The following ASNS variants were observed in gnomAD, a reference collection of about 807,000 sequenced individuals.
ASNS encodes the protein asparagine synthetase (glutamine-hydrolyzing).
In ASNS, 37 loss-of-function variants were observed where a neutral mutation model predicts 62.6. The ratio of observed to expected loss-of-function variants is 0.59; its 90% CI spans 0.45 to 0.78. The LOEUF (loss-of-function observed/expected upper bound fraction) is 0.78. ASNS is among the 30% of genes least tolerant of loss of function. The pLI is 0.00. For synonymous variants in ASNS, 207 were observed against 237.9 expected, an observed-to-expected ratio of 0.87 and a Z score of 1.19; for missense variants, 520 against 682.4, an observed-to-expected ratio of 0.76 and a Z score of 2.65.
At chr7:97,862,542 A>G (rs1791771329) in intron 4 of ASNS, among the ~76,000 whole-genome samples, 1 of 152,222 alleles carries the variant, frequency 6.6e-6, no homozygotes. Context: ...AATGGTGGGT[A>G]CATGGCATTA....
chr7:97,882,702 A>G, the ASNS span, among the ~76,000 whole-genome samples: 1 of 152,188 alleles, frequency 6.6e-6, no homozygotes, highest in Non-Finnish European at 1.5e-5. Flanking sequence ...TCCGCCAAGC[A>G]GGGGGAGTGA....
At chr7:97,880,080 T>C in the ASNS span, among the ~76,000 whole-genome samples, 1 of 151,938 alleles carries the variant, frequency 6.6e-6, no homozygotes, top group African/African-American at 2.4e-5. Flanking sequence ...TGCCAGGACA[T>C]CGTGAGCTTT....
At position 97,865,308 on chromosome 7, in the gene ASNS, G is replaced by A. The variant is rs114369971; in HGVS notation, c.250-812C>T. On this transcript the variant is annotated intron_variant, in intron 3 of 12. Transcript: ENST00000394308. ...TTTCAGACTCCACCTACAATGCTGC[G>A]TTTTGATTAAAAGGTTACTATACAC... 1.5e-3 allele frequency among the ~76,000 whole-genome samples: 226 copies of A among 152,258 alleles called. 2 individuals carry two copies. Among genetic ancestry groups the A allele is most frequent in the African/African-American group, 5.2e-3 (215 of 41,546 alleles).
the ASNS span, among the ~76,000 whole-genome samples, chr7:97,891,005 G>GA: frequency 6.6e-6 from 1 of 152,110 alleles, no homozygotes; most frequent in African/African-American, 2.4e-5. Context: ...AATAATGAGA[G>GA]AAAAAAGGAA....
the ASNS span, among the ~76,000 whole-genome samples, chr7:97,896,749 T>C: frequency 2.0e-3 from 163 of 82,542 alleles, 3 homozygotes; most frequent in Middle Eastern, 6.2e-3. Flanking sequence ...CACATATATA[T>C]ATATATATAT....
At chr7:97,872,622 G>A (rs1276662718), upstream of ASNS, 4 of 152,400 alleles carry the variant, frequency 2.6e-5, no homozygotes, top group East Asian at 7.7e-4. Context: ...TTTAAGGATA[G>A]CCTCAGAGCT....
At chr7:97,875,502 C>T (rs1277233423), upstream of ASNS, among the ~76,000 whole-genome samples, 1 of 152,206 alleles carries the variant, frequency 6.6e-6, no homozygotes, top group African/African-American at 2.4e-5. Flanking sequence ...GTGTGGTGGT[C>T]TGTTCATTGT....
At chr7:97,896,711 T>TACACACACAC in the ASNS span, among the ~76,000 whole-genome samples, 4 of 44,276 alleles carry the variant, frequency 9.0e-5, no homozygotes, top group African/African-American at 2.4e-4. Flanking sequence ...TGTATATATA[T>TACACACACAC]ACACACACAC....
chr7:97,925,408 G>T, the ASNS span, among the ~76,000 whole-genome samples: 1 of 152,062 alleles, frequency 6.6e-6, no homozygotes, highest in Non-Finnish European at 1.5e-5. Context: ...TTTTGCTCAC[G>T]TACCACTCCC....
intron 6 of ASNS, among the ~76,000 whole-genome samples, 179 bp downstream of exon 6, chr7:97,858,675 C>G (rs1438470757): frequency 6.6e-6 from 1 of 152,182 alleles, no homozygotes; most frequent in East Asian, 1.9e-4. Context: ...TAGTGTAACT[C>G]AAGTTGGAGT....
the ASNS span, among the ~76,000 whole-genome samples, chr7:97,896,707 TATATACACAC>T: frequency 7.2e-5 from 2 of 27,692 alleles, 1 homozygote; most frequent in African/African-American, 2.1e-4. Flanking sequence ...TATGTGTATA[TATATACACAC>T]ACACACACAC....
the ASNS span, among the ~76,000 whole-genome samples, chr7:97,892,077 A>T: frequency 6.6e-6 from 1 of 151,976 alleles, no homozygotes; most frequent in Admixed American, 6.6e-5. Context: ...ATTTCCATAC[A>T]CCTTCTGAAA....
At chr7:97,870,100 A>T (rs1792181115) in intron 1 of ASNS, 2 of 388,890 alleles carry the variant, frequency 5.1e-6, no homozygotes, top group Non-Finnish European at 8.8e-6. Context: ...CCAATTTCAA[A>T]TTCTCAACTG....
chr7:97,909,651 G>T, the ASNS span, among the ~76,000 whole-genome samples: 3 of 152,068 alleles, frequency 2.0e-5, no homozygotes, highest in Admixed American at 2.0e-4. Flanking sequence ...TACCCACTCC[G>T]CAGAAGTCAG....
At chr7:97,898,586 A>G in the ASNS span, 70 of 617,246 alleles carry the variant, frequency 1.1e-4, no homozygotes, top group African/African-American at 1.1e-3. Context: ...CTTTCAAGTC[A>G]TTTGTCTGCA....
At chr7:97,910,455 C>T in the ASNS span, among the ~76,000 whole-genome samples, 7 of 152,164 alleles carry the variant, frequency 4.6e-5, no homozygotes, top group South Asian at 4.1e-4. Context: ...TCATTCATGA[C>T]GATGGGCTTT....
At chr7:97,878,544 T>C in the ASNS span, among the ~76,000 whole-genome samples, 3 of 152,160 alleles carry the variant, frequency 2.0e-5, no homozygotes, top group African/African-American at 4.8e-5. Flanking sequence ...CCATTCACAA[T>C]TGCTTCAAAG....
chr7:97,925,036 C>T, the ASNS span, among the ~76,000 whole-genome samples: 2 of 152,162 alleles, frequency 1.3e-5, no homozygotes, highest in Admixed American at 6.5e-5. Context: ...ACTCGGGAGG[C>T]TGAGGCAGGA....
the ASNS span, among the ~76,000 whole-genome samples, chr7:97,893,301 G>A: frequency 6.6e-6 from 1 of 152,280 alleles, no homozygotes; most frequent in Non-Finnish European, 1.5e-5. Context: ...TGAGATCTGA[G>A]TGGGGACACA....
Sources: gnomAD v4.1 joint callset for allele counts (sites outside exome capture counted in the v4.1 genomes callset) on GRCh38, gnomAD v4.1.1 for gene constraint, MANE v1.5 for transcripts, NCBI Gene and HGNC (gene_info 2026-07-23, HGNC 2026-07-21) for gene names.